The following CACNG8 variants were observed in gnomAD, a reference collection of about 807,000 sequenced individuals.
CACNG8 encodes the protein calcium voltage-gated channel auxiliary subunit gamma 8.
Under a neutral mutation model 26.9 loss-of-function variants are expected in CACNG8, and 5 were observed. That is an observed-to-expected ratio of 0.19 (90% CI 0.10 to 0.39). The LOEUF (loss-of-function observed/expected upper bound fraction) is 0.39. Among genes scored for constraint, CACNG8 ranks in the 10% least tolerant of loss-of-function variants. The probability of loss-of-function intolerance (pLI) is 1.00; values close to 1 mark genes in which losing one functional copy is unlikely to be tolerated. For missense variants in CACNG8, 473 were observed against 609.4 expected, an observed-to-expected ratio of 0.78 and a Z score of 2.36; for synonymous variants, 321 against 296.7, an observed-to-expected ratio of 1.08 and a Z score of -0.84.
chr19:53,979,379 GAGGA>G (rs1357195891), intron 2 of CACNG8, among the ~76,000 whole-genome samples: 1 of 151,960 alleles, frequency 6.6e-6, no homozygotes, highest in Non-Finnish European at 1.5e-5. Flanking sequence ...GGAGGAGGAG[GAGGA>G]AGGAAGGAAT....
At chr19:53,981,653 C>T (rs2069369198) in intron 3 of CACNG8, among the ~76,000 whole-genome samples, 1 of 152,128 alleles carries the variant, frequency 6.6e-6, no homozygotes, top group Admixed American at 6.5e-5. Flanking sequence ...AGGGCCTGGA[C>T]CACCTGGGGG....
chr19:53,979,722 T>A (rs924537469), intron 2 of CACNG8, 145 bp from the exon 3 acceptor site: 3 of 755,176 alleles, frequency 4.0e-6, no homozygotes, highest in Non-Finnish European at 5.7e-6. Flanking sequence ...GAGGCAACAG[T>A]AAAATAAACC....
At chr19:53,978,686 C>T (rs1384016414) in intron 2 of CACNG8, among the ~76,000 whole-genome samples, 1 of 145,636 alleles carries the variant, frequency 6.9e-6, no homozygotes, top group Non-Finnish European at 1.5e-5. Context: ...GCGGCCTCAG[C>T]CAGGTTCCGA....
chr19:53,963,939 C>G (rs2069258059), intron 1 of CACNG8, among the ~76,000 whole-genome samples: 1 of 151,712 alleles, frequency 6.6e-6, no homozygotes, highest in South Asian at 2.1e-4. Context: ...GTAGCTGGGA[C>G]CACAGGCATG....
At chr19:53,969,165 G>A (rs563653686) in intron 1 of CACNG8, among the ~76,000 whole-genome samples, 5 of 151,912 alleles carry the variant, frequency 3.3e-5, no homozygotes, top group East Asian at 1.9e-4. Context: ...CACCACACCC[G>A]GCTAATTTTT....
chr19:53,966,877 G>T (rs182573720), intron 1 of CACNG8, among the ~76,000 whole-genome samples: 14 of 152,268 alleles, frequency 9.2e-5, no homozygotes, highest in African/African-American at 3.4e-4. Flanking sequence ...ATCTAGGGTG[G>T]GGGCAGCAGG....
At chr19:53,978,460 C>T (rs2069343601) in intron 2 of CACNG8, among the ~76,000 whole-genome samples, 1 of 152,080 alleles carries the variant, frequency 6.6e-6, no homozygotes, top group South Asian at 2.1e-4. Flanking sequence ...AGGGAGGATC[C>T]TGGGCGCTAA....
chr19:53,969,668 C>G (rs957918836), intron 1 of CACNG8, among the ~76,000 whole-genome samples: 1 of 150,270 alleles, frequency 6.7e-6, no homozygotes, highest in African/African-American at 2.5e-5. Context: ...ACGGGGTCCC[C>G]CTGAGTCATT....
intron 1 of CACNG8, among the ~76,000 whole-genome samples, chr19:53,967,065 A>G (rs1025932631): frequency 6.6e-6 from 1 of 152,140 alleles, no homozygotes; most frequent in East Asian, 1.9e-4. Context: ...GGGCCGTCCT[A>G]TGCATTGTAG....
At chr19:53,966,149 G>A (rs979235280) in intron 1 of CACNG8, among the ~76,000 whole-genome samples, 15 of 151,886 alleles carry the variant, frequency 9.9e-5, no homozygotes, top group Admixed American at 2.6e-4. Flanking sequence ...GTGCAGTGGC[G>A]TGATCTTGGC....
intron 1 of CACNG8, among the ~76,000 whole-genome samples, chr19:53,965,528 G>A (rs946205209): frequency 3.3e-5 from 5 of 151,942 alleles, no homozygotes; most frequent in East Asian, 3.9e-4. Context: ...GGGAGCCCTA[G>A]GACAGCACGT....
intron 1 of CACNG8, among the ~76,000 whole-genome samples, chr19:53,976,501 GT>G: frequency 6.6e-6 from 1 of 152,328 alleles, no homozygotes; most frequent in East Asian, 1.9e-4. Flanking sequence ...GCTCTTGCCA[GT>G]ATTACTCACT....
In CACNG8 at chr19:53,982,515, A is replaced by G; in HGVS notation, c.944A>G (p.Lys315Arg). The G allele has an allele frequency of 7.3e-7, 1 of 1,376,218 alleles. No homozygotes were observed. Among genetic ancestry groups the G allele is most frequent in the South Asian group, 1.6e-5 (1 of 61,572 alleles). The allele number at this position is 1,376,218 out of a possible 1,614,324, so 85.3% of individuals were successfully genotyped here. A position where few individuals can be genotyped will look rare whatever the true frequency, so the allele number is the denominator to read the frequency against. ...TACACGCTCAGCCGCGACCCCTCCA[A>G]GGGCAGCGTGGCCGCGGGGCTGGCG... Residue 315 changes from lysine (K) to arginine (R), a missense_variant, in exon 4 of 4, where the codon AAG (lysine) becomes AGG (arginine). Lys to Arg is a conservative substitution (Grantham distance 26). Transcript: ENST00000270458. The surrounding 1 kb of genome is among the most constrained non-coding windows in gnomAD (Gnocchi z 8.4).
rs953324034 is a variant in CACNG8 at position 53,984,208 on chromosome 19, T to C, written c.*1359T>C. 4 of 152,272 alleles carry C rather than the reference T, an allele frequency of 2.6e-5. No homozygotes were observed. Among genetic ancestry groups the C allele is most frequent in the Non-Finnish European group, 5.9e-5 (4 of 68,090 alleles). 9.4% of individuals were successfully genotyped at this position (152,272 alleles called of 1,614,324 possible). On this transcript the variant is annotated 3_prime_UTR_variant, in exon 4 of 4. Coordinates refer to ENST00000270458, the MANE Select transcript of CACNG8 (RefSeq NM_031895.6). ...ACTCGTTCATTCAGCCACTCACCCA[T>C]TGCCATTTTTGGCCATCTGCTAAGG...
intron 1 of CACNG8, among the ~76,000 whole-genome samples, chr19:53,975,459 A>G (rs1225243700): frequency 6.6e-6 from 1 of 151,924 alleles, no homozygotes; most frequent in Admixed American, 6.6e-5. Flanking sequence ...AGCGCGCTGC[A>G]ACCTCCTCTT....
Position 53,985,738 on chromosome 19 carries a change from G to A in CACNG8, c.*2889G>A, listed in dbSNP as rs914550829. 6.6e-6 allele frequency: 1 copy of A among 151,996 alleles called. No individual in the cohort carries two copies. The highest frequency in any genetic ancestry group is 2.1e-4 in the South Asian group (1 of 4,824). The allele number at this position is 151,996 out of a possible 1,614,324, so 9.4% of individuals were successfully genotyped here. On this transcript the variant is annotated 3_prime_UTR_variant, in exon 4 of 4. Coordinates refer to ENST00000270458, the MANE Select transcript of CACNG8 (RefSeq NM_031895.6). The stretch of plus-strand genomic sequence containing the variant: ...AGTCCCGGCTACTCAGGAGGCTGAG[G>A]TGAAAGGATCTCGCTTGGGCCTGGG...
At chr19:53,966,777 A>G (rs879350710) in intron 1 of CACNG8, among the ~76,000 whole-genome samples, 1 of 152,206 alleles carries the variant, frequency 6.6e-6, no homozygotes, top group Non-Finnish European at 1.5e-5. Context: ...CAGAGGAGTC[A>G]CACGAGCTGA....
At chr19:53,974,723 C>A (rs1488496053) in intron 1 of CACNG8, among the ~76,000 whole-genome samples, 2 of 151,976 alleles carry the variant, frequency 1.3e-5, no homozygotes, top group Non-Finnish European at 2.9e-5. Flanking sequence ...CTCACTGCAA[C>A]CTCCACCTCC....
At chr19:53,964,024 T>C (rs2069258534) in intron 1 of CACNG8, among the ~76,000 whole-genome samples, 1 of 151,950 alleles carries the variant, frequency 6.6e-6, no homozygotes, top group African/African-American at 2.4e-5. Context: ...GGTCTCGAGC[T>C]CCTGAGCTCA....
Sources: allele counts gnomAD v4.1 joint callset (sites outside exome capture counted in the v4.1 genomes callset), GRCh38; gene constraint gnomAD v4.1.1; non-coding constraint Gnocchi (gnomAD v3.1); transcripts MANE v1.5; gene names NCBI Gene and HGNC (gene_info 2026-07-23, HGNC 2026-07-21).